PIGBOS1: variants seen among roughly 807,000 people sequenced by gnomAD.
PIGBOS1 encodes the protein PIGB opposite strand 1.
Position 55,317,854 on chromosome 15 carries a change from AAATCTCTTCAAATCTGCATACAAAAATGG to A in PIGBOS1, c.-75-16_-63del. 1 of 395,064 alleles carries A rather than the reference AAATCTCTTCAAATCTGCATACAAAAATGG, an allele frequency of 2.5e-6. No homozygotes were observed. The highest frequency in any genetic ancestry group is 4.4e-5 in the Admixed American group (1 of 22,638). The allele number at this position is 395,064 out of a possible 1,614,324, so 24.5% of individuals were successfully genotyped here. A position where few individuals can be genotyped will look rare whatever the true frequency, so the allele number is the denominator to read the frequency against. Reference sequence around the variant, plus strand: ...TGGAAAGTCACACTCCACACCCAGGAAATCTCTTCAAATCTGCATACAAAAATGGAAAGCAAAGCCATCACTTAGTACAA... The same window carrying A: ...TGGAAAGTCACACTCCACACCCAGGAAAAGCAAAGCCATCACTTAGTACAA... On this transcript the variant is annotated splice_acceptor_variant and splice_polypyrimidine_tract_variant and 5_prime_UTR_variant and intron_variant, in exon 2 of 2. Coordinates refer to ENST00000436697, the MANE Select transcript of PIGBOS1 (RefSeq NM_001308421.2). LOFTEE classifies it low-confidence loss of function (5UTR_SPLICE).
At chr15:55,318,017 T>A (rs1239828582) in intron 1 of PIGBOS1, 150 bp from the exon 2 acceptor site, 2 of 320,516 alleles carry the variant, frequency 6.2e-6, no homozygotes, top group African/African-American at 4.3e-5. Flanking sequence ...GTACAGGAAG[T>A]GAATTAGGGA....
chr15:55,317,975 C>T, intron 1 of PIGBOS1, 108 bp from the exon 2 acceptor site: 1 of 355,144 alleles, frequency 2.8e-6, no homozygotes, highest in Non-Finnish European at 5.0e-6. Flanking sequence ...TAATATGTTA[C>T]TAATTAAAAC....
chr15:55,318,928 T>C lies in PIGBOS1; in HGVS notation c.-140A>G, dbSNP rs12902710. ...TTACCGTTTTTAATAACCACTCAGG[T>C]ACCTCCGACTGTTCTGCGCCTGCTC... On this transcript the variant is annotated 5_prime_UTR_variant, in exon 1 of 2. Transcript: ENST00000436697. 0.44 allele frequency: 121,004 copies of C among 273,514 alleles called. 32,206 individuals are homozygous for C. The highest frequency in any genetic ancestry group is 0.82 in the African/African-American group (36,739 of 45,020). The allele number at this position is 273,514 out of a possible 1,614,324, so 16.9% of individuals were successfully genotyped here.
rs1337836631 is a variant in PIGBOS1 at position 55,317,815 on chromosome 15, G to A, written c.-23C>T. 3 of 397,418 alleles carry A rather than the reference G, an allele frequency of 7.5e-6. No individual in the cohort carries two copies. The highest frequency in any genetic ancestry group is 1.3e-5 in the Non-Finnish European group (3 of 225,402). 24.6% of individuals were successfully genotyped at this position (397,418 alleles called of 1,614,324 possible). ...CATTGCTGCAACAAATACAGCTCAA[G>A]GAAAAGCTGGTTTTGGAAAGTCACA... On this transcript the variant is annotated 5_prime_UTR_variant, in exon 2 of 2. Transcript: ENST00000436697.
At chr15:55,317,964 A>T in intron 1 of PIGBOS1, 97 bp from the exon 2 acceptor site, 1 of 334,434 alleles carries the variant, frequency 3.0e-6, no homozygotes, top group Non-Finnish European at 5.4e-6. Context: ...CAATATTTTT[A>T]TAATATGTTA....
At position 55,317,749 on chromosome 15, in the gene PIGBOS1, A is replaced by T. The variant is rs1305929208; in HGVS notation, c.44T>A (p.Val15Asp). The part of the protein sequence containing the change: ...LTFAQLLFAT[V>D]LGIAGGVYIF... ...ATATACTCCTCCAGCAATTCCAAGG[A>T]CAGTGGCAAAAAGCAGTTGTGCAAA... Residue 15 changes from valine to aspartate, a missense_variant, in exon 2 of 2, where the codon GTC (valine) becomes GAC (aspartate). Val to Asp is a radical substitution (Grantham distance 152). Coordinates refer to ENST00000436697, the MANE Select transcript of PIGBOS1 (RefSeq NM_001308421.2). 4 of 398,486 alleles carry T rather than the reference A, an allele frequency of 1.0e-5. No homozygotes were observed. The highest frequency in any genetic ancestry group is 1.8e-5 in the Non-Finnish European group (4 of 226,050). 24.7% of individuals were successfully genotyped at this position (398,486 alleles called of 1,614,324 possible). A position where few individuals can be genotyped will look rare whatever the true frequency, so the allele number is the denominator to read the frequency against.
intron 1 of PIGBOS1, among the ~76,000 whole-genome samples, chr15:55,318,509 C>A (rs2055082699): frequency 6.6e-6 from 1 of 150,760 alleles, no homozygotes; most frequent in Admixed American, 6.6e-5. Context: ...TCCAGACCAG[C>A]CAGGCCAATA....
intron 1 of PIGBOS1, among the ~76,000 whole-genome samples, chr15:55,318,098 CTTTTTTT>C (rs200901102): frequency 7.6e-6 from 1 of 131,424 alleles, no homozygotes; most frequent in Non-Finnish European, 1.6e-5. Flanking sequence ...CATACTTTTT[CTTTTTTT>C]TTTTTTTTTT....
chr15:55,319,085 G>A lies in PIGBOS1; in HGVS notation c.-297C>T. On this transcript the variant is annotated 5_prime_UTR_variant, in exon 1 of 2. Transcript: ENST00000436697. ...ATCCCTCGGTTCGGAAACGGCGAAA[G>A]GAAACCGCAAGGAGGCCACCACGTC... 2.5e-6 allele frequency: 2 copies of A among 808,212 alleles called. No homozygotes were observed. Among genetic ancestry groups the A allele is most frequent in the Non-Finnish European group, 3.7e-6 (2 of 537,368 alleles). 50.1% of individuals were successfully genotyped at this position (808,212 alleles called of 1,614,324 possible). A position where few individuals can be genotyped will look rare whatever the true frequency, so the allele number is the denominator to read the frequency against.
At position 55,317,505 on chromosome 15, in the gene PIGBOS1, G is replaced by T. The variant is rs906632370; in HGVS notation, c.*123C>A. On this transcript the variant is annotated 3_prime_UTR_variant, in exon 2 of 2. Coordinates refer to ENST00000436697, the MANE Select transcript of PIGBOS1 (RefSeq NM_001308421.2). ...GATTTTTGTATTTTCAGTAGAGACA[G>T]GGTTTCACCATGTTGGTCAGGCTGG... The T allele has an allele frequency of 1.5e-5, 5 of 332,468 alleles. No individual in the cohort carries two copies. The highest frequency in any genetic ancestry group is 9.8e-5 in the Admixed American group (2 of 20,462). The allele number at this position is 332,468 out of a possible 1,614,324, so 20.6% of individuals were successfully genotyped here. A position where few individuals can be genotyped will look rare whatever the true frequency, so the allele number is the denominator to read the frequency against.
chr15:55,319,088 A>T lies in PIGBOS1; in HGVS notation c.-300T>A, dbSNP rs2055099468. The T allele has an allele frequency of 1.2e-6, 1 of 820,020 alleles. No homozygotes were observed. Among genetic ancestry groups the T allele is most frequent in the East Asian group, 3.0e-5 (1 of 33,730 alleles). 50.8% of individuals were successfully genotyped at this position (820,020 alleles called of 1,614,324 possible). On this transcript the variant is annotated 5_prime_UTR_variant, in exon 1 of 2. Coordinates refer to ENST00000436697, the MANE Select transcript of PIGBOS1 (RefSeq NM_001308421.2). ...CCTCGGTTCGGAAACGGCGAAAGGA[A>T]ACCGCAAGGAGGCCACCACGTCGGG...
rs1355593362 is a variant in PIGBOS1, at chr15:55,317,282, T to C, written c.*346A>G. ...ATTAAATGGAACTTTAAGCAATTAT[T>C]ACAGTTCATCTCCATGAGGTATTTG... On this transcript the variant is annotated 3_prime_UTR_variant, in exon 2 of 2. Coordinates refer to ENST00000436697, the MANE Select transcript of PIGBOS1 (RefSeq NM_001308421.2). The C allele has an allele frequency of 1.3e-5, 2 of 154,816 alleles. No individual in the cohort carries two copies. The highest frequency in any genetic ancestry group is 4.8e-5 in the African/African-American group (2 of 41,616). The allele number at this position is 154,816 out of a possible 1,614,324, so 9.6% of individuals were successfully genotyped here. A position where few individuals can be genotyped will look rare whatever the true frequency, so the allele number is the denominator to read the frequency against.
At chr15:55,318,287 C>T (rs1383942577) in intron 1 of PIGBOS1, among the ~76,000 whole-genome samples, 3 of 151,250 alleles carry the variant, frequency 2.0e-5, no homozygotes, top group East Asian at 2.0e-4. Flanking sequence ...TTTGTAGAGA[C>T]GGGGTTTCAC....
chr15:55,317,947 G>A (rs2055065587), intron 1 of PIGBOS1, 80 bp from the exon 2 acceptor site: 1 of 380,360 alleles, frequency 2.6e-6, no homozygotes, highest in Non-Finnish European at 4.7e-6. Context: ...CTTTGCACTG[G>A]AGTGAACAAT....
chr15:55,318,182 C>T (rs997406679), intron 1 of PIGBOS1, among the ~76,000 whole-genome samples: 1 of 150,520 alleles, frequency 6.6e-6, no homozygotes, highest in African/African-American at 2.4e-5. Context: ...ACTGCAAGCT[C>T]CGCCTCCTCG....
In PIGBOS1 at chr15:55,318,236, T is replaced by C. The variant is rs553136257; in HGVS notation, c.-75-369A>G. 3.4e-4 allele frequency among the ~76,000 whole-genome samples: 51 copies of C among 151,516 alleles called. 1 individual carries two copies. The highest frequency in any genetic ancestry group is 6.8e-3 in the Middle Eastern group (2 of 294). ...CCTCAGCCTCCCGAGAAGCTGGGAC[T>C]ACAGGCGCGTGTCACCACACCCGGC... On this transcript the variant is annotated intron_variant, in intron 1 of 1. Transcript: ENST00000436697.
In PIGBOS1 at chr15:55,317,308, T is replaced by C. The variant is rs2055053580; in HGVS notation, c.*320A>G. On this transcript the variant is annotated 3_prime_UTR_variant, in exon 2 of 2. Transcript: ENST00000436697. ...ACAGTTCATCTCCATGAGGTATTTG[T>C]GGGTTTTTTTGCTTTTTGTTTTTTT... 6.3e-6 allele frequency: 1 copy of C among 159,896 alleles called. No individual in the cohort carries two copies. The highest frequency in any genetic ancestry group is 1.4e-5 in the Non-Finnish European group (1 of 73,332). 9.9% of individuals were successfully genotyped at this position (159,896 alleles called of 1,614,324 possible).
At position 55,317,766 on chromosome 15, in the gene PIGBOS1, T is replaced by C. The variant is rs949978539; in HGVS notation, c.27A>G (p.Gln9=). 4 of 398,530 alleles carry C rather than the reference T, an allele frequency of 1.0e-5. No individual in the cohort carries two copies. The highest frequency in any genetic ancestry group is 6.3e-4 in the Middle Eastern group (1 of 1,588). The allele number at this position is 398,530 out of a possible 1,614,324, so 24.7% of individuals were successfully genotyped here. Residue 9 remains glutamine (Q), a synonymous_variant, in exon 2 of 2, where the codon CAA becomes CAG. Coordinates refer to ENST00000436697, the MANE Select transcript of PIGBOS1 (RefSeq NM_001308421.2). ...TTCCAAGGACAGTGGCAAAAAGCAG[T>C]TGTGCAAAAGTCAATCTCCTAAACA... The part of the protein sequence containing the change: MFRRLTFA[Q]LLFATVLGIA...
Position 55,317,777 on chromosome 15 carries a change from T to A in PIGBOS1, c.16A>T (p.Thr6Ser), listed in dbSNP as rs1477194353. 4 of 398,454 alleles carry A rather than the reference T, an allele frequency of 1.0e-5. No homozygotes were observed. Among genetic ancestry groups the A allele is most frequent in the African/African-American group, 6.2e-5 (3 of 48,750 alleles). The allele number at this position is 398,454 out of a possible 1,614,324, so 24.7% of individuals were successfully genotyped here. A position where few individuals can be genotyped will look rare whatever the true frequency, so the allele number is the denominator to read the frequency against. ...GTGGCAAAAAGCAGTTGTGCAAAAG[T>A]CAATCTCCTAAACATTGCTGCAACA... MFRRL[T>S]FAQLLFATVL... Residue 6 changes from threonine to serine, a missense_variant, in exon 2 of 2, where the codon ACT (threonine) becomes TCT (serine). Thr to Ser is a moderately conservative substitution (Grantham distance 58, BLOSUM62 1). Coordinates refer to ENST00000436697, the MANE Select transcript of PIGBOS1 (RefSeq NM_001308421.2).
Sources: gnomAD v4.1 joint callset for allele counts (sites outside exome capture counted in the v4.1 genomes callset) on GRCh38, gnomAD v4.1.1 for gene constraint, MANE v1.5 for transcripts, NCBI Gene and HGNC (gene_info 2026-07-23, HGNC 2026-07-21) for gene names.